PIAS1: variants seen among roughly 807,000 people sequenced by gnomAD.
PIAS1 encodes the protein protein inhibitor of activated STAT 1, also known as E3 SUMO-protein ligase PIAS1.
In PIAS1, 6 loss-of-function variants were observed where a neutral mutation model predicts 71.3. That is an observed-to-expected ratio of 0.08 (90% CI 0.05 to 0.17). The LOEUF (loss-of-function observed/expected upper bound fraction) is 0.17, where lower values mean the gene tolerates loss of function less well. Ranked by LOEUF, PIAS1 falls within the 10% of genes least tolerant of loss-of-function variation. The probability of loss-of-function intolerance (pLI) is 1.00; values close to 1 mark genes in which losing one functional copy is unlikely to be tolerated. For synonymous variants in PIAS1, 303 were observed against 292.9 expected (o/e 1.03, Z -0.35); for missense variants, 555 against 793.6 (o/e 0.70, Z 3.61).
intron 1 of PIAS1, among the ~76,000 whole-genome samples, chr15:68,077,432 T>C (rs1287753794): frequency 2.0e-5 from 3 of 152,204 alleles, no homozygotes; most frequent in African/African-American, 7.2e-5. Flanking sequence ...TTAACACATT[T>C]TAAGCATTTT....
chr15:68,099,182 AG>A (rs2092402698), intron 2 of PIAS1, among the ~76,000 whole-genome samples: 1 of 151,348 alleles, frequency 6.6e-6, no homozygotes, highest in Non-Finnish European at 1.5e-5. Flanking sequence ...AAATTATAAA[AG>A]CACATCGTTA....
At chr15:68,092,652 C>T (rs754829850) in intron 2 of PIAS1, among the ~76,000 whole-genome samples, 3 of 152,130 alleles carry the variant, frequency 2.0e-5, no homozygotes, top group African/African-American at 4.8e-5. Context: ...GTAATGAGGG[C>T]GTGGCCCTTA....
chr15:68,083,701 T>G (rs2092250945), intron 1 of PIAS1, among the ~76,000 whole-genome samples: 1 of 152,034 alleles, frequency 6.6e-6, no homozygotes, highest in South Asian at 2.1e-4. Flanking sequence ...AAGTCTTATT[T>G]TCCCACCTGA....
intron 1 of PIAS1, among the ~76,000 whole-genome samples, chr15:68,079,259 T>C (rs577125856): frequency 1.3e-5 from 2 of 152,316 alleles, no homozygotes; most frequent in South Asian, 2.1e-4. Context: ...TTTATTTCTA[T>C]GTGTTCATTG....
At chr15:68,071,537 A>G (rs2092096893) in intron 1 of PIAS1, among the ~76,000 whole-genome samples, 1 of 151,702 alleles carries the variant, frequency 6.6e-6, no homozygotes, top group Non-Finnish European at 1.5e-5. Flanking sequence ...TTGAGGAGAA[A>G]AATAATAAAC....
intron 12 of PIAS1, among the ~76,000 whole-genome samples, chr15:68,182,119 T>A (rs530360010): frequency 1.5e-3 from 229 of 150,218 alleles, no homozygotes; most frequent in African/African-American, 5.0e-3. Flanking sequence ...TTCTTAAAAA[T>A]TTTTTTTTTA....
intron 2 of PIAS1, among the ~76,000 whole-genome samples, chr15:68,103,034 C>G (rs752049232): frequency 3.3e-5 from 5 of 151,928 alleles, no homozygotes; most frequent in Non-Finnish European, 7.4e-5. Flanking sequence ...CTCAAGTGAT[C>G]TTCCTGCCTC....
intron 1 of PIAS1, among the ~76,000 whole-genome samples, chr15:68,059,151 C>T (rs1423090868): frequency 1.3e-5 from 2 of 151,720 alleles, no homozygotes; most frequent in Non-Finnish European, 2.9e-5. Flanking sequence ...ACTACAGGTG[C>T]CCGCCACTAC....
At chr15:68,106,785 G>A (rs1338818330) in intron 2 of PIAS1, among the ~76,000 whole-genome samples, 3 of 152,186 alleles carry the variant, frequency 2.0e-5, no homozygotes, top group African/African-American at 7.2e-5. Flanking sequence ...CAGTGTATTA[G>A]CCCTACTGCT....
At chr15:68,088,176 G>GTATATATATATA (rs71455574) in intron 2 of PIAS1, among the ~76,000 whole-genome samples, 2,299 of 72,810 alleles carry the variant, frequency 0.032, 109 homozygotes, top group African/African-American at 0.063. Context: ...TTATGTGTGT[G>GTATATATATATA]TATATATATA....
At chr15:68,072,445 G>A (rs2092108962) in intron 1 of PIAS1, among the ~76,000 whole-genome samples, 1 of 150,824 alleles carries the variant, frequency 6.6e-6, no homozygotes, top group Admixed American at 6.6e-5. Flanking sequence ...TGGGAAGTTG[G>A]GGCCAGATTG....
chr15:68,171,741 A>G lies in PIAS1; in HGVS notation c.1009-1991A>G, dbSNP rs1031985328. Among the ~76,000 whole-genome samples the G allele has an allele frequency of 1.3e-5, 2 of 152,222 alleles. No homozygotes were observed. Among genetic ancestry groups the G allele is most frequent in the Non-Finnish European group, 2.9e-5 (2 of 68,042 alleles). ...GGCTAAATGCCTTTCTTAGAGACACAGTAAATCATCGGTATCAAAGCAATT... is the reference window on the plus strand; with the variant it reads ...GGCTAAATGCCTTTCTTAGAGACACGGTAAATCATCGGTATCAAAGCAATT... On this transcript the variant is annotated intron_variant, in intron 8 of 13. Coordinates refer to ENST00000249636, the MANE Select transcript of PIAS1 (RefSeq NM_016166.3). The surrounding 1 kb of genome is among the most constrained non-coding windows in gnomAD (Gnocchi z 4.4).
At chr15:68,058,305 T>C (rs2091918568) in intron 1 of PIAS1, among the ~76,000 whole-genome samples, 1 of 152,260 alleles carries the variant, frequency 6.6e-6, no homozygotes, top group Non-Finnish European at 1.5e-5. Context: ...AATAATAATA[T>C]CTTACTTATA....
At chr15:68,165,340 C>T (rs982565636) in intron 8 of PIAS1, among the ~76,000 whole-genome samples, 7 of 152,046 alleles carry the variant, frequency 4.6e-5, no homozygotes, top group South Asian at 2.1e-4. Flanking sequence ...AGGCTGGTCT[C>T]GAACTCCTGA....
At chr15:68,116,707 A>C (rs994412404) in intron 2 of PIAS1, among the ~76,000 whole-genome samples, 11 of 151,932 alleles carry the variant, frequency 7.2e-5, no homozygotes, top group African/African-American at 2.7e-4. Context: ...TAATATAGGC[A>C]TTTTAGAGCT....
chr15:68,075,815 T>C (rs1400162375), intron 1 of PIAS1, among the ~76,000 whole-genome samples: 1 of 148,900 alleles, frequency 6.7e-6, no homozygotes. Context: ...GGAGTTTTAC[T>C]CTGCTGCGCA....
At chr15:68,182,241 A>G (rs2093057533) in intron 12 of PIAS1, among the ~76,000 whole-genome samples, 1 of 152,184 alleles carries the variant, frequency 6.6e-6, no homozygotes, top group Non-Finnish European at 1.5e-5. Flanking sequence ...AATCATTTAT[A>G]TTATCAAAAA....
chr15:68,127,793 C>T (rs556846700), intron 2 of PIAS1, among the ~76,000 whole-genome samples: 28 of 152,188 alleles, frequency 1.8e-4, no homozygotes, highest in Non-Finnish European at 2.6e-4. Context: ...GATGGAGTCT[C>T]GCTCTATTGC....
chr15:68,138,270 A>G (rs935456494), intron 2 of PIAS1, among the ~76,000 whole-genome samples: 2 of 152,150 alleles, frequency 1.3e-5, no homozygotes, highest in African/African-American at 2.4e-5. Flanking sequence ...GCAGAGGGGA[A>G]ACAAAGACAG....
Sources: allele counts gnomAD v4.1 joint callset (sites outside exome capture counted in the v4.1 genomes callset), GRCh38; gene constraint gnomAD v4.1.1; non-coding constraint Gnocchi (gnomAD v3.1); transcripts MANE v1.5; gene names NCBI Gene and HGNC (gene_info 2026-07-23, HGNC 2026-07-21).